Variants in GALNT1 observed in about 807,000 individuals in gnomAD.
GALNT1 encodes the protein polypeptide N-acetylgalactosaminyltransferase 1.
GALNT1 carries 17 observed loss-of-function variants against 65.7 expected under a neutral mutation model. The ratio of observed to expected loss-of-function variants is 0.26; its 90% confidence interval spans 0.18 to 0.39. The LOEUF is 0.39. GALNT1 is among the 10% of genes least tolerant of loss of function. GALNT1 has a pLI of 1.00. For synonymous variants in GALNT1, 210 were observed against 219.7 expected (o/e 0.96, Z 0.39); for missense variants, 460 against 672.8 (o/e 0.68, Z 3.50).
intron 9 of GALNT1, among the ~76,000 whole-genome samples, chr18:35,698,266 G>A (rs1454123418): frequency 4.6e-5 from 7 of 151,994 alleles, no homozygotes; most frequent in African/African-American, 1.4e-4. Context: ...TCAGGAGTTC[G>A]AGACCAGCCT....
chr18:35,590,124 A>G (rs2046425894), intron 1 of GALNT1, among the ~76,000 whole-genome samples: 1 of 152,192 alleles, frequency 6.6e-6, no homozygotes, highest in African/African-American at 2.4e-5. Context: ...TTGTAGGGAC[A>G]CCTTCAATGT....
At chr18:35,587,327 TC>T (rs2046389144) in intron 1 of GALNT1, among the ~76,000 whole-genome samples, 2 of 152,240 alleles carry the variant, frequency 1.3e-5, no homozygotes, top group Non-Finnish European at 2.9e-5. Context: ...TCCTTTTTAA[TC>T]TGCACACTTT....
At chr18:35,622,265 A>G (rs2046862734) in intron 1 of GALNT1, among the ~76,000 whole-genome samples, 1 of 151,536 alleles carries the variant, frequency 6.6e-6, no homozygotes, top group Non-Finnish European at 1.5e-5. Flanking sequence ...ATTATTTTTC[A>G]TTAAGAGACA....
chr18:35,622,210 G>A (rs1180255787), intron 1 of GALNT1, among the ~76,000 whole-genome samples: 16 of 151,506 alleles, frequency 1.1e-4, no homozygotes, highest in Admixed American at 1.1e-3. Flanking sequence ...TAATTTTTTT[G>A]TAGATCTTTC....
chr18:35,640,966 A>G (rs1338987668), intron 1 of GALNT1, among the ~76,000 whole-genome samples: 4 of 152,224 alleles, frequency 2.6e-5, no homozygotes, highest in Non-Finnish European at 5.9e-5. Flanking sequence ...TTCTTAAAAC[A>G]TAGAAAATAT....
At chr18:35,602,929 T>A (rs1381221127) in intron 1 of GALNT1, among the ~76,000 whole-genome samples, 1 of 152,244 alleles carries the variant, frequency 6.6e-6, no homozygotes, top group African/African-American at 2.4e-5. Flanking sequence ...TGTCTATGAC[T>A]TCACATTAAA....
chr18:35,687,223 T>C (rs548969657), intron 6 of GALNT1, 37 bp downstream of exon 6: 6 of 1,594,140 alleles, frequency 3.8e-6, no homozygotes, highest in South Asian at 2.3e-5. Context: ...TAAAGTGTTA[T>C]TGGCAGAAGG....
intron 1 of GALNT1, among the ~76,000 whole-genome samples, chr18:35,622,069 T>C (rs1218214261): frequency 1.3e-5 from 2 of 152,192 alleles, no homozygotes; most frequent in Non-Finnish European, 2.9e-5. Flanking sequence ...AATTTTAGGA[T>C]CTACTTTTAA....
chr18:35,646,577 C>T (rs1048633024), intron 1 of GALNT1, among the ~76,000 whole-genome samples: 1 of 152,216 alleles, frequency 6.6e-6, no homozygotes, highest in Non-Finnish European at 1.5e-5. Flanking sequence ...TGACATGGCA[C>T]TGGCCTTCCC....
intron 1 of GALNT1, among the ~76,000 whole-genome samples, chr18:35,617,794 G>C (rs2046803408): frequency 6.6e-6 from 1 of 152,036 alleles, no homozygotes; most frequent in Admixed American, 6.5e-5. Flanking sequence ...GGTCCCTAAA[G>C]TGTCTTTTTA....
intron 3 of GALNT1, among the ~76,000 whole-genome samples, chr18:35,676,529 G>A (rs498563): frequency 6.6e-6 from 1 of 152,120 alleles, no homozygotes; most frequent in South Asian, 2.1e-4. Context: ...AGCTTCAGAA[G>A]AGGAGTCTTG....
chr18:35,702,614 TAG>T (rs1189280183), intron 9 of GALNT1, among the ~76,000 whole-genome samples: 1 of 152,138 alleles, frequency 6.6e-6, no homozygotes, highest in Non-Finnish European at 1.5e-5. Context: ...TTAACCAAAG[TAG>T]AGTTTGTTGA....
intron 1 of GALNT1, among the ~76,000 whole-genome samples, chr18:35,598,894 T>A (rs1046436409): frequency 6.6e-6 from 1 of 152,138 alleles, no homozygotes; most frequent in Non-Finnish European, 1.5e-5. Context: ...CAGCATCTGT[T>A]ATTTTCTTGT....
At chr18:35,654,217 T>C (rs1317116515) in intron 1 of GALNT1, among the ~76,000 whole-genome samples, 3 of 152,212 alleles carry the variant, frequency 2.0e-5, no homozygotes, top group Non-Finnish European at 2.9e-5. Flanking sequence ...TGTTTTAATT[T>C]GCATTTCCTA....
intron 3 of GALNT1, among the ~76,000 whole-genome samples, chr18:35,673,444 C>T (rs2047663223): frequency 6.6e-6 from 1 of 152,142 alleles, no homozygotes; most frequent in African/African-American, 2.4e-5. Flanking sequence ...TTATTTAAGC[C>T]TCAGTTTCCT....
At chr18:35,689,365 T>A in intron 7 of GALNT1, 75 bp downstream of exon 7, 1 of 838,976 alleles carries the variant, frequency 1.2e-6, no homozygotes, top group Non-Finnish European at 1.9e-6. Context: ...CATGTATCTC[T>A]ACATAAAAAA....
intron 1 of GALNT1, among the ~76,000 whole-genome samples, chr18:35,642,052 C>G (rs773689435): frequency 1.3e-5 from 2 of 152,178 alleles, no homozygotes; most frequent in Non-Finnish European, 2.9e-5. Context: ...TAAGTTGTTG[C>G]AACAGACATT....
intron 3 of GALNT1, among the ~76,000 whole-genome samples, chr18:35,674,973 A>AC (rs549926820): frequency 0.043 from 5,265 of 123,518 alleles, 147 homozygotes; most frequent in Non-Finnish European, 0.061. Flanking sequence ...ACAGAGCGAG[A>AC]CTCCGTCTCA....
At position 35,607,099 on chromosome 18, in the gene GALNT1, A is replaced by G. The variant is rs568399949; in HGVS notation, c.-104+25237A>G. On this transcript the variant is annotated intron_variant, in intron 1 of 11. Coordinates refer to ENST00000269195, the MANE Select transcript of GALNT1 (RefSeq NM_020474.4). ...TATGACCTGGCTTGAAAAGATAAGT[A>G]GGCTGGCCACTCTGCCCTCTTCCTG... Among the ~76,000 whole-genome samples, 5 of 152,176 alleles carry G rather than the reference A, an allele frequency of 3.3e-5. No individual in the cohort carries two copies. In the East Asian group the frequency reaches 7.7e-4, roughly 24 times the overall value.
Sources: allele counts gnomAD v4.1 joint callset (sites outside exome capture counted in the v4.1 genomes callset), GRCh38; gene constraint gnomAD v4.1.1; transcripts MANE v1.5; gene names NCBI Gene and HGNC (gene_info 2026-07-23, HGNC 2026-07-21).